The following CAMTA1 variants were observed in gnomAD, a reference collection of about 807,000 sequenced individuals.
CAMTA1 encodes the protein calmodulin-binding transcription activator 1.
In CAMTA1, 27 loss-of-function variants were observed where a neutral mutation model predicts 170.9. That is an observed-to-expected ratio of 0.16 (90% CI 0.12 to 0.22). The LOEUF is 0.22. Among genes scored for constraint, CAMTA1 ranks in the 10% least tolerant of loss-of-function variants. CAMTA1 has a pLI of 1.00. For synonymous variants in CAMTA1, 833 were observed against 891.5 expected (o/e 0.93, Z 1.17); for missense variants, 1,619 against 2,217.2 (o/e 0.73, Z 5.42).
intron 5 of CAMTA1, among the ~76,000 whole-genome samples, chr1:7,338,897 A>G (rs2083587612): frequency 6.6e-6 from 1 of 152,222 alleles, no homozygotes; most frequent in African/African-American, 2.4e-5. Flanking sequence ...CGCAGGCTGT[A>G]CAGGAAGCAT....
rs1234893262 is a variant in CAMTA1 at position 7,682,164 on chromosome 1, C to T, written c.2914+4431C>T. ...TCCTGGGCAGGCCCCCTTCTGGCCT[C>T]AGGGGTGAGGGGGGACCCTGTCATC... On this transcript the variant is annotated intron_variant, in intron 11 of 22. Coordinates refer to ENST00000303635, the MANE Select transcript of CAMTA1 (RefSeq NM_015215.4). The surrounding 1 kb of genome is among the most constrained non-coding windows in gnomAD (Gnocchi z 5.0). Among the ~76,000 whole-genome samples the T allele has an allele frequency of 8.5e-5, 13 of 152,198 alleles. No homozygotes were observed. The highest frequency in any genetic ancestry group is 8.5e-4 in the Admixed American group (13 of 15,288).
chr1:6,808,719 C>T (rs1035722572), intron 1 of CAMTA1, among the ~76,000 whole-genome samples: 14 of 152,134 alleles, frequency 9.2e-5, no homozygotes, highest in African/African-American at 3.4e-4. Flanking sequence ...TTAGTAAATG[C>T]TTGTTGGCTG....
chr1:7,560,360 C>T (rs1198160976), intron 6 of CAMTA1, among the ~76,000 whole-genome samples: 2 of 152,222 alleles, frequency 1.3e-5, no homozygotes, highest in Non-Finnish European at 1.5e-5. Flanking sequence ...AGGCACTGAG[C>T]CCCAGGGGTG....
At chr1:7,091,195 C>A in intron 3 of CAMTA1, 109 bp from the exon 4 acceptor site, 1 of 755,696 alleles carries the variant, frequency 1.3e-6, no homozygotes, top group Non-Finnish European at 2.4e-6. Context: ...GGATGGAGTT[C>A]CAGGCTCGCA....
chr1:6,799,124 A>G (rs142482367), intron 1 of CAMTA1, among the ~76,000 whole-genome samples: 5 of 152,258 alleles, frequency 3.3e-5, no homozygotes, highest in South Asian at 2.1e-4. Flanking sequence ...CACCCAGGCT[A>G]GAGTGCCATC....
At chr1:7,493,173 A>G (rs1185437831) in intron 6 of CAMTA1, among the ~76,000 whole-genome samples, 17 of 137,808 alleles carry the variant, frequency 1.2e-4, no homozygotes, top group Non-Finnish European at 1.9e-4. Flanking sequence ...ATACACGCGC[A>G]CACAAATACA....
intron 6 of CAMTA1, among the ~76,000 whole-genome samples, chr1:7,574,653 A>T (rs1395132227): frequency 6.6e-6 from 1 of 152,168 alleles, no homozygotes; most frequent in Non-Finnish European, 1.5e-5. Context: ...CGATGCAGAG[A>T]GGTCCGCCTG....
intron 6 of CAMTA1, among the ~76,000 whole-genome samples, chr1:7,525,050 C>G (rs1266942653): frequency 6.6e-6 from 1 of 152,216 alleles, no homozygotes; most frequent in Non-Finnish European, 1.5e-5. Context: ...GAAATGCAGT[C>G]TAACACCCAA....
intron 5 of CAMTA1, among the ~76,000 whole-genome samples, chr1:7,260,240 G>A (rs1667972470): frequency 6.6e-6 from 1 of 152,234 alleles, no homozygotes; most frequent in Non-Finnish European, 1.5e-5. Flanking sequence ...TTTCTAGAAG[G>A]AGTGGGGTGC....
intron 3 of CAMTA1, among the ~76,000 whole-genome samples, chr1:6,870,341 A>C (rs891471394): frequency 2.6e-5 from 4 of 152,148 alleles, no homozygotes; most frequent in African/African-American, 9.6e-5. Context: ...TTCAGTAGCT[A>C]TGCAACTTAA....
chr1:7,341,084 A>T (rs74052945), intron 5 of CAMTA1, among the ~76,000 whole-genome samples: 1,912 of 152,324 alleles, frequency 0.013, 20 homozygotes, highest in Middle Eastern at 0.024. Context: ...CTGCCTCAAG[A>T]CACCAGCTCT....
At chr1:6,995,944 C>G (rs1216494648) in intron 3 of CAMTA1, among the ~76,000 whole-genome samples, 1 of 152,118 alleles carries the variant, frequency 6.6e-6, no homozygotes, top group African/African-American at 2.4e-5. Context: ...GGTACCTGGC[C>G]CTGGGGCAAG....
intron 3 of CAMTA1, among the ~76,000 whole-genome samples, chr1:6,888,494 C>T (rs74051027): frequency 0.014 from 2,088 of 152,128 alleles, 42 homozygotes; most frequent in African/African-American, 0.047. Context: ...ACTGTAATAT[C>T]GACATCTAGT....
chr1:7,042,509 C>G (rs960070583), intron 3 of CAMTA1, among the ~76,000 whole-genome samples: 2 of 152,242 alleles, frequency 1.3e-5, no homozygotes, highest in South Asian at 4.1e-4. Context: ...CCCTTCCTCC[C>G]CCTGAGCTCA....
At chr1:7,203,898 C>G (rs1453971764) in intron 4 of CAMTA1, among the ~76,000 whole-genome samples, 1 of 149,576 alleles carries the variant, frequency 6.7e-6, no homozygotes, top group Non-Finnish European at 1.5e-5. Context: ...GTGGCGTGAT[C>G]TCGGCTCACT....
At chr1:7,538,201 A>G (rs1034291535) in intron 6 of CAMTA1, among the ~76,000 whole-genome samples, 19 of 152,174 alleles carry the variant, frequency 1.2e-4, no homozygotes, top group African/African-American at 4.3e-4. Context: ...ACCACGGCCA[A>G]TTCTCAGGCT....
At chr1:7,192,332 G>T (rs911806853) in intron 4 of CAMTA1, among the ~76,000 whole-genome samples, 1 of 152,240 alleles carries the variant, frequency 6.6e-6, no homozygotes, top group Middle Eastern at 3.2e-3. Context: ...AAGCCATGAC[G>T]CTTGGCCTTT....
chr1:7,664,629 C>T lies in CAMTA1; in HGVS notation c.2082C>T (p.Thr694=). Residue 694 remains threonine, a synonymous_variant, in exon 9 of 23, where the codon ACC becomes ACT. Transcript: ENST00000303635. The part of the protein sequence containing the change: ...MTAEGEVTME[T]SQAAEGSEVL... ...CAGAAGGGGAGGTCACCATGGAGAC[C>T]TCGCAGGCGGCGGAAGGGAGCGAGG... 1 of 1,608,212 alleles carries T rather than the reference C, an allele frequency of 6.2e-7. No individual in the cohort carries two copies. The highest frequency in any genetic ancestry group is 1.1e-5 in the South Asian group (1 of 91,024).
intron 5 of CAMTA1, among the ~76,000 whole-genome samples, chr1:7,358,371 A>C (rs1375313777): frequency 6.6e-6 from 1 of 152,238 alleles, no homozygotes; most frequent in Non-Finnish European, 1.5e-5. Flanking sequence ...AAGTCAGAGC[A>C]TGTCAAGCTG....
Sources: gnomAD v4.1 joint callset for allele counts (sites outside exome capture counted in the v4.1 genomes callset) on GRCh38, gnomAD v4.1.1 for gene constraint, Gnocchi (gnomAD v3.1) non-coding constraint, MANE v1.5 for transcripts, NCBI Gene and HGNC (gene_info 2026-07-23, HGNC 2026-07-21) for gene names.